The following TPH2 variants were observed in gnomAD, a reference collection of about 807,000 sequenced individuals.
TPH2 encodes tryptophan hydroxylase 2, also known as tryptophan 5-hydroxylase 2.
Under a neutral mutation model 59.1 loss-of-function variants are expected in TPH2, and 27 were observed. The ratio of observed to expected loss-of-function variants is 0.46; its 90% CI spans 0.34 to 0.63. The LOEUF (loss-of-function observed/expected upper bound fraction) is 0.63, where lower values mean the gene tolerates loss of function less well. Ranked by LOEUF, TPH2 falls within the 30% of genes least tolerant of loss-of-function variation. The pLI is 0.01. For synonymous variants in TPH2, 220 were observed against 210.5 expected, an observed-to-expected ratio of 1.05 and a Z score of -0.39; for missense variants, 523 against 588.3, an observed-to-expected ratio of 0.89 and a Z score of 1.15.
At chr12:71,947,056 A>G (rs993952671) in intron 4 of TPH2, among the ~76,000 whole-genome samples, 12 of 152,204 alleles carry the variant, frequency 7.9e-5, no homozygotes, top group African/African-American at 2.9e-4. Flanking sequence ...CTTGATGCTC[A>G]TCTGAAGCCT....
chr12:71,968,751 G>C (rs918694462), intron 5 of TPH2, among the ~76,000 whole-genome samples: 2 of 152,186 alleles, frequency 1.3e-5, no homozygotes, highest in Non-Finnish European at 1.5e-5. Flanking sequence ...CTAGTAGGCT[G>C]GTGGATGAGG....
chr12:71,970,573 C>T (rs1291281656), intron 5 of TPH2, among the ~76,000 whole-genome samples: 1 of 152,210 alleles, frequency 6.6e-6, no homozygotes, highest in Non-Finnish European at 1.5e-5. Flanking sequence ...ACCTTCTGAT[C>T]ATGCACAGCC....
At chr12:72,002,063 C>T (rs1284748937) in intron 8 of TPH2, among the ~76,000 whole-genome samples, 3 of 151,910 alleles carry the variant, frequency 2.0e-5, no homozygotes, top group Non-Finnish European at 4.4e-5. Flanking sequence ...AAAGTCTCAC[C>T]ATAAAAATAA....
At chr12:71,940,428 C>T (rs1871024936) in intron 1 of TPH2, among the ~76,000 whole-genome samples, 1 of 151,984 alleles carries the variant, frequency 6.6e-6, no homozygotes, top group Admixed American at 6.6e-5. Flanking sequence ...GAAAATAAAG[C>T]CAGTAGAGAA....
intron 5 of TPH2, among the ~76,000 whole-genome samples, chr12:71,954,430 G>A (rs543807330): frequency 1.3e-5 from 2 of 152,298 alleles, no homozygotes; most frequent in African/African-American, 4.8e-5. Context: ...GTGAGAGAAT[G>A]TCTAACACGC....
chr12:71,994,737 A>G (rs973376512), intron 8 of TPH2, among the ~76,000 whole-genome samples, 172 bp downstream of exon 8: 1 of 152,202 alleles, frequency 6.6e-6, no homozygotes, highest in African/African-American at 2.4e-5. Context: ...CAGCTTATTG[A>G]CCACCAAAAC....
At chr12:71,962,500 C>A (rs1871713652) in intron 5 of TPH2, 1 of 984,866 alleles carries the variant, frequency 1.0e-6, no homozygotes. Context: ...AAAAAGAAAC[C>A]CTTATATGTA....
chr12:71,986,964 G>A (rs182456870), intron 7 of TPH2, among the ~76,000 whole-genome samples: 242 of 152,234 alleles, frequency 1.6e-3, no homozygotes, highest in African/African-American at 5.4e-3. Context: ...CTTTACTACC[G>A]TGTAGAGAAT....
chr12:72,015,321 T>G (rs1873213799), intron 8 of TPH2, among the ~76,000 whole-genome samples: 1 of 139,810 alleles, frequency 7.2e-6, no homozygotes, highest in African/African-American at 2.7e-5. Flanking sequence ...GGTTGTTTTT[T>G]TTTTTTTTTT....
intron 9 of TPH2, among the ~76,000 whole-genome samples, chr12:72,027,448 T>G (rs1302699784): frequency 1.3e-5 from 2 of 152,212 alleles, no homozygotes; most frequent in Non-Finnish European, 2.9e-5. Flanking sequence ...GTTATAGATA[T>G]GACTATTAGT....
In TPH2 at chr12:71,938,963, A is replaced by G; in HGVS notation, c.-24A>G. 1 of 1,599,056 alleles carries G rather than the reference A, an allele frequency of 6.3e-7. No individual in the cohort carries two copies. Among genetic ancestry groups the G allele is most frequent in the Non-Finnish European group, 8.6e-7 (1 of 1,166,480 alleles). Reference sequence around the variant, plus strand: ...GCCCCTCTAGTACCCCCTGCTGCAGAGAAAGAATATTACACCGGGATCCAT... The same window carrying G: ...GCCCCTCTAGTACCCCCTGCTGCAGGGAAAGAATATTACACCGGGATCCAT... On this transcript the variant is annotated 5_prime_UTR_variant, in exon 1 of 11. Coordinates refer to ENST00000333850, the MANE Select transcript of TPH2 (RefSeq NM_173353.4).
chr12:72,008,502 A>G (rs918186729), intron 8 of TPH2, among the ~76,000 whole-genome samples: 1 of 152,168 alleles, frequency 6.6e-6, no homozygotes, highest in East Asian at 1.9e-4. Context: ...ACATATGTTC[A>G]TTCATGTGAG....
At chr12:71,978,353 C>G (rs1872177995) in intron 6 of TPH2, among the ~76,000 whole-genome samples, 1 of 152,142 alleles carries the variant, frequency 6.6e-6, no homozygotes, top group Non-Finnish European at 1.5e-5. Context: ...GGTTTATAGA[C>G]TTTATTGCAT....
intron 7 of TPH2, 106 bp from the exon 8 acceptor site, chr12:71,994,333 A>T: frequency 8.1e-7 from 1 of 1,230,346 alleles, no homozygotes; most frequent in Non-Finnish European, 1.2e-6. Flanking sequence ...TGTAGTAACT[A>T]ATTAATTACA....
intron 8 of TPH2, among the ~76,000 whole-genome samples, chr12:72,010,393 A>G (rs951815551): frequency 2.0e-5 from 3 of 152,200 alleles, no homozygotes; most frequent in Non-Finnish European, 2.9e-5. Context: ...GCTCAAAGGT[A>G]TATCTTTTCA....
At chr12:71,997,089 G>A (rs370767673) in intron 8 of TPH2, among the ~76,000 whole-genome samples, 43 of 152,302 alleles carry the variant, frequency 2.8e-4, no homozygotes, top group African/African-American at 9.6e-4. Context: ...TGGGGGCTCT[G>A]GGGTATGAGC....
intron 7 of TPH2, among the ~76,000 whole-genome samples, chr12:71,981,834 A>G (rs1192724710): frequency 2.0e-5 from 3 of 151,916 alleles, no homozygotes; most frequent in Non-Finnish European, 4.4e-5. Context: ...ACAAATAAAG[A>G]TTATAAACTC....
intron 8 of TPH2, among the ~76,000 whole-genome samples, chr12:72,002,134 A>AT (rs1369599407): frequency 1.3e-5 from 2 of 152,250 alleles, no homozygotes; most frequent in African/African-American, 2.4e-5. Context: ...TGCATGTCAC[A>AT]TACAAATACC....
rs560755338 is a variant in TPH2 at position 72,012,231 on chromosome 12, C to G, written c.1069-10168C>G. ...ACAACAACAAAAGTCAGACCCTCTT[C>G]CTGATTCCAGGAAGCTCAGGGTCTG... On this transcript the variant is annotated intron_variant, in intron 8 of 10. Transcript: ENST00000333850. Among the ~76,000 whole-genome samples, 25 of 152,202 alleles carry G rather than the reference C, an allele frequency of 1.6e-4. No homozygotes were observed. The South Asian group carries it at 5.2e-3, about 32-fold the overall frequency.
Sources: gnomAD v4.1 joint callset for allele counts (sites outside exome capture counted in the v4.1 genomes callset) on GRCh38, gnomAD v4.1.1 for gene constraint, MANE v1.5 for transcripts, NCBI Gene and HGNC (gene_info 2026-07-23, HGNC 2026-07-21) for gene names.